SH2D7: variants seen among roughly 807,000 people sequenced by gnomAD.
SH2D7 encodes the protein SH2 domain-containing protein 7.
In SH2D7, 32 loss-of-function variants were observed where a neutral mutation model predicts 40.8. That is an observed-to-expected ratio of 0.78 (90% CI 0.59 to 1.05). The LOEUF is 1.05. SH2D7 is among the 50% of genes least tolerant of loss of function. The pLI is 0.00. For synonymous variants in SH2D7, 195 were observed against 221.5 expected, an observed-to-expected ratio of 0.88 and a Z score of 1.06; for missense variants, 559 against 566.6, an observed-to-expected ratio of 0.99 and a Z score of 0.14.
At position 78,092,624 on chromosome 15, in the gene SH2D7, C is replaced by A; in HGVS notation, c.40C>A (p.Pro14Thr). ...SLKQLSLGRD[P>T]EGAGDSQALA... Reference sequence around the variant, plus strand: ...AAAGCAGCTCAGCCTGGGGAGAGATCCTGAGGGGGCAGGGGACAGCCAGGC... The same window carrying A: ...AAAGCAGCTCAGCCTGGGGAGAGATACTGAGGGGGCAGGGGACAGCCAGGC... The change falls in exon 1 of 6, where the codon CCT becomes ACT. Residue 14 changes from proline to threonine, a missense_variant. By Grantham distance (38) the Pro-to-Thr change is conservative (BLOSUM62 -1). Coordinates refer to ENST00000328828, the MANE Select transcript of SH2D7 (RefSeq NM_001101404.2). The A allele has an allele frequency of 6.4e-7, 1 of 1,555,206 alleles. No individual in the cohort carries two copies. Among genetic ancestry groups the A allele is most frequent in the South Asian group, 1.2e-5 (1 of 84,214 alleles).
chr15:78,093,986 C>G (rs769556503), intron 1 of SH2D7, 126 bp from the exon 2 acceptor site: 1 of 851,904 alleles, frequency 1.2e-6, no homozygotes, highest in Non-Finnish European at 1.8e-6. Flanking sequence ...AGTGGCTCCT[C>G]TATAAAGGGT....
intron 3 of SH2D7, 139 bp from the exon 4 acceptor site, chr15:78,098,245 G>T (rs2073987058): frequency 7.2e-7 from 1 of 1,391,666 alleles, no homozygotes. Flanking sequence ...ATTGGAAAAA[G>T]GGAGACTGTG....
intron 2 of SH2D7, among the ~76,000 whole-genome samples, chr15:78,094,409 G>A (rs940435919): frequency 6.6e-6 from 1 of 152,242 alleles, no homozygotes; most frequent in African/African-American, 2.4e-5. Context: ...TTCAAAGGAG[G>A]TGAGTGGGGT....
chr15:78,091,474 C>A (rs1415673265), upstream of SH2D7, among the ~76,000 whole-genome samples: 1 of 152,190 alleles, frequency 6.6e-6, no homozygotes, highest in East Asian at 1.9e-4. Flanking sequence ...ACGTCAGTCC[C>A]AGCTACTTGC....
chr15:78,100,672 G>C (rs1332368317), intron 4 of SH2D7, among the ~76,000 whole-genome samples: 3 of 152,080 alleles, frequency 2.0e-5, no homozygotes, highest in Admixed American at 1.3e-4. Flanking sequence ...ACTATAGCCT[G>C]GGCAACACAG....
intron 5 of SH2D7, among the ~76,000 whole-genome samples, chr15:78,103,069 C>T (rs1397321777): frequency 2.0e-5 from 3 of 152,070 alleles, no homozygotes; most frequent in Non-Finnish European, 2.9e-5. Flanking sequence ...TCTTTCCCTG[C>T]GGCTGCCCCA....
chr15:78,101,644 C>A, intron 5 of SH2D7, 86 bp downstream of exon 5: 1 of 1,420,918 alleles, frequency 7.0e-7, no homozygotes, highest in East Asian at 2.4e-5. Flanking sequence ...CAGGCATAGG[C>A]AGGTCAGGTC....
chr15:78,096,803 T>C (rs567983272), intron 2 of SH2D7, among the ~76,000 whole-genome samples: 1 of 152,240 alleles, frequency 6.6e-6, no homozygotes, highest in African/African-American at 2.4e-5. Flanking sequence ...ACCTGGCGCA[T>C]TGCAATAATT....
rs1348227192 is a variant in SH2D7 at position 78,103,388 on chromosome 15, TG to T, written c.1306-76del. On this transcript the variant is annotated intron_variant, in intron 5 of 5. Coordinates refer to ENST00000328828, the MANE Select transcript of SH2D7 (RefSeq NM_001101404.2). ...GCTTGGGCCCCCAACCCAAGGTCAA[TG>T]AGGGGTCCTCGGAGCCTGGGTCTTT... The T allele has an allele frequency of 3.3e-6, 5 of 1,522,586 alleles. No homozygotes were observed. In the African/African-American group the frequency reaches 6.9e-5, roughly 21 times the overall value. 94.3% of individuals were successfully genotyped at this position (1,522,586 alleles called of 1,614,324 possible).
chr15:78,091,793 C>T (rs1428308782), upstream of SH2D7, among the ~76,000 whole-genome samples: 5 of 152,212 alleles, frequency 3.3e-5, no homozygotes, highest in Non-Finnish European at 7.3e-5. Flanking sequence ...CCCACCTCTT[C>T]GTCTTTGCAC....
At chr15:78,098,222 G>A in intron 3 of SH2D7, 128 bp downstream of exon 3, 2 of 1,407,884 alleles carry the variant, frequency 1.4e-6, no homozygotes, top group Non-Finnish European at 1.9e-6. Context: ...CTTGGTGTGG[G>A]GTCATGATCC....
rs574214417 is a variant in SH2D7 at position 78,097,922 on chromosome 15, G to A, written c.267-7G>A. ...GCAGCCCCAGACCACAAGCACTTGT[G>A]TTGCAGGGGCAGTGATCGCTGCCGA... On this transcript the variant is annotated splice_region_variant and splice_polypyrimidine_tract_variant and intron_variant, in intron 2 of 5. Transcript: ENST00000328828. The A allele has an allele frequency of 8.7e-6, 14 of 1,613,056 alleles. No individual in the cohort carries two copies. In the South Asian group the frequency reaches 1.4e-4, roughly 16 times the overall value.
chr15:78,101,091 G>T lies in SH2D7; in HGVS notation c.838G>T (p.Ala280Ser). ...GSQAYSPGRE[A>S]QRRLSDGEQN... is the part of the protein sequence containing the mutation. ...CCAGGCCTACTCCCCAGGCAGGGAG[G>T]CCCAAAGGAGACTCTCAGATGGAGA... The change falls in exon 5 of 6, where the codon GCC (alanine) becomes TCC (serine). Residue 280 changes from alanine to serine, a missense_variant. Coordinates refer to ENST00000328828, the MANE Select transcript of SH2D7 (RefSeq NM_001101404.2). 6.3e-7 allele frequency: 1 copy of T among 1,582,818 alleles called. No individual in the cohort carries two copies.
At chr15:78,097,809 G>T in intron 2 of SH2D7, 120 bp from the exon 3 acceptor site, 1 of 1,302,078 alleles carries the variant, frequency 7.7e-7, no homozygotes, top group South Asian at 1.5e-5. Context: ...GGTCAGGCAG[G>T]TCTGTTCTGG....
At chr15:78,098,863 TCAG>T (rs1434591351) in intron 4 of SH2D7, among the ~76,000 whole-genome samples, 2 of 152,342 alleles carry the variant, frequency 1.3e-5, no homozygotes, top group Non-Finnish European at 2.9e-5. Context: ...TCTCTGAGCC[TCAG>T]TTTACCATGC....
Position 78,101,409 on chromosome 15 carries a change from A to G in SH2D7, c.1156A>G (p.Arg386Gly). The G allele has an allele frequency of 6.2e-7, 1 of 1,613,502 alleles. No homozygotes were observed. The highest frequency in any genetic ancestry group is 8.5e-7 in the Non-Finnish European group (1 of 1,179,704). The change falls in exon 5 of 6, where the codon AGG becomes GGG. Residue 386 changes from arginine to glycine, a missense_variant. Transcript: ENST00000328828. ...QIPACWGGPA[R>G]APHPGASPTY... ...CCCAGCTTGCTGGGGTGGCCCAGCC[A>G]GGGCCCCACATCCTGGGGCCAGTCC...
At chr15:78,102,098 C>A (rs1434289521) in intron 5 of SH2D7, among the ~76,000 whole-genome samples, 1 of 151,874 alleles carries the variant, frequency 6.6e-6, no homozygotes, top group East Asian at 1.9e-4. Context: ...TGAAAAAATA[C>A]AAAAAATTGC....
Position 78,101,386 on chromosome 15 carries a change from CA to C in SH2D7, c.1134del (p.Ala379LeufsTer102), listed in dbSNP as rs2074015250. The stretch of plus-strand genomic sequence containing the variant: ...GAAGGCAGCACCTATGAGCAGATCC[CA>C]GCTTGCTGGGGTGGCCCAGCCAGGG... Reference protein sequence around the residue: ...DQEGSTYEQIPACWGGPARAP... With the variant: ...DQEGSTYEQIXACWGGPARAP... On this transcript the variant is annotated frameshift_variant, in exon 5 of 6. Transcript: ENST00000328828. LOFTEE classifies it high-confidence loss of function. 3 of 1,613,566 alleles carry C rather than the reference CA, an allele frequency of 1.9e-6. No individual in the cohort carries two copies. Among genetic ancestry groups the C allele is most frequent in the Non-Finnish European group, 2.5e-6 (3 of 1,179,760 alleles).
chr15:78,098,573 C>T lies in SH2D7; in HGVS notation c.622C>T (p.Leu208Phe), dbSNP rs1196334240. Residue 208 changes from leucine to phenylalanine, a missense_variant, in exon 4 of 6, where the codon CTC becomes TTC. Leu to Phe is a conservative substitution (Grantham distance 22). Coordinates refer to ENST00000328828, the MANE Select transcript of SH2D7 (RefSeq NM_001101404.2). Reference sequence around the variant, plus strand: ...AAGCCTGGATGTGAGTCCCCGGAACCTCTCCCAGGAGGAAAGCATGGAGGT... The same window carrying T: ...AAGCCTGGATGTGAGTCCCCGGAACTTCTCCCAGGAGGAAAGCATGGAGGT... ...QKSLDVSPRN[L>F]SQEESMEAPI... The T allele has an allele frequency of 2.5e-6, 4 of 1,613,752 alleles. No homozygotes were observed. The African/African-American group carries it at 4.0e-5, about 16-fold the overall frequency.
Sources: allele counts gnomAD v4.1 joint callset (sites outside exome capture counted in the v4.1 genomes callset), GRCh38; gene constraint gnomAD v4.1.1; transcripts MANE v1.5; gene names NCBI Gene and HGNC (gene_info 2026-07-23, HGNC 2026-07-21).